Variants in LBH observed in about 807,000 individuals in gnomAD.
The protein encoded by LBH is protein LBH.
LBH carries 7 observed loss-of-function variants against 12.5 expected under a neutral mutation model. The observed-to-expected ratio is 0.56, with a 90% CI of 0.32 to 1.05. LBH has a LOEUF of 1.05. Ranked by LOEUF, LBH falls within the 50% of genes least tolerant of loss-of-function variation. LBH has a pLI of 0.04. For synonymous variants in LBH, 51 were observed against 50.1 expected (o/e 1.02, Z -0.08); for missense variants, 119 against 138.9 (o/e 0.86, Z 0.72).
chr2:30,241,285 T>C (rs1327378784), intron 2 of LBH, among the ~76,000 whole-genome samples: 1 of 152,070 alleles, frequency 6.6e-6, no homozygotes, highest in Non-Finnish European at 1.5e-5. Context: ...GGTTAATAAG[T>C]GGTTGTTTTA....
chr2:30,244,519 C>T (rs1206480911), intron 2 of LBH, among the ~76,000 whole-genome samples: 1 of 152,112 alleles, frequency 6.6e-6, no homozygotes, highest in Admixed American at 6.5e-5. Context: ...GCTTCACCTG[C>T]TTCCTTGTCC....
In LBH at chr2:30,231,592, G is replaced by A; in HGVS notation, c.-147G>A. The A allele has an allele frequency of 1.4e-6, 1 of 727,456 alleles. No homozygotes were observed. The highest frequency in any genetic ancestry group is 2.4e-6 in the Non-Finnish European group (1 of 413,526). 45.1% of individuals were successfully genotyped at this position (727,456 alleles called of 1,614,324 possible). On this transcript the variant is annotated 5_prime_UTR_variant, in exon 1 of 3. Transcript: ENST00000395323. ...CCACCTTGCCGACGTCGCTAGCCGT[G>A]GGGCTGTCCTGGGAAGGCGGACGGC...
rs1255547344 is a variant in LBH at position 30,259,012 on chromosome 2, C to T, written c.*1391C>T. ...AGGATTTCTTATTGTAGCTAAGAGCCATCTGAAGCAGCAGGTTGCAGGACA... is the reference window on the plus strand; with the variant it reads ...AGGATTTCTTATTGTAGCTAAGAGCTATCTGAAGCAGCAGGTTGCAGGACA... On this transcript the variant is annotated 3_prime_UTR_variant, in exon 3 of 3. Transcript: ENST00000395323. 6.6e-6 allele frequency: 1 copy of T among 152,574 alleles called. No homozygotes were observed. The highest frequency in any genetic ancestry group is 2.1e-4 in the South Asian group (1 of 4,830). The allele number at this position is 152,574 out of a possible 1,614,324, so 9.5% of individuals were successfully genotyped here. A position where few individuals can be genotyped will look rare whatever the true frequency, so the allele number is the denominator to read the frequency against.
intron 2 of LBH, among the ~76,000 whole-genome samples, chr2:30,236,240 G>A (rs1270724594): frequency 6.6e-6 from 1 of 152,174 alleles, no homozygotes; most frequent in Non-Finnish European, 1.5e-5. Context: ...TCAATGCTTC[G>A]AGTCCTTCAG....
At chr2:30,233,640 A>C (rs1677631961) in intron 1 of LBH, among the ~76,000 whole-genome samples, 1 of 152,270 alleles carries the variant, frequency 6.6e-6, no homozygotes, top group African/African-American at 2.4e-5. Flanking sequence ...TATCCTGCTT[A>C]GAGAGTACAA....
At position 30,250,384 on chromosome 2, in the gene LBH, C is replaced by A. The variant is rs370743569; in HGVS notation, c.130-7049C>A. Among the ~76,000 whole-genome samples, 5 of 152,068 alleles carry A rather than the reference C, an allele frequency of 3.3e-5. No homozygotes were observed. In the East Asian group the frequency reaches 7.8e-4, roughly 24 times the overall value. On this transcript the variant is annotated intron_variant, in intron 2 of 2. Transcript: ENST00000395323. ...GAGCTGGTCATTAGCCCTTTGTGTCCTGCTAACCACCTTTCATCTCCTCTA... is the reference window on the plus strand; with the variant it reads ...GAGCTGGTCATTAGCCCTTTGTGTCATGCTAACCACCTTTCATCTCCTCTA...
intron 2 of LBH, among the ~76,000 whole-genome samples, chr2:30,252,990 T>C (rs1309655601): frequency 6.6e-5 from 10 of 152,200 alleles, no homozygotes; most frequent in Admixed American, 6.5e-4. Flanking sequence ...AGGAGCACTT[T>C]GGGGAAAGAG....
chr2:30,244,792 G>C (rs1349108566), intron 2 of LBH, among the ~76,000 whole-genome samples: 1 of 152,116 alleles, frequency 6.6e-6, no homozygotes, highest in Non-Finnish European at 1.5e-5. Context: ...CGTAGTCCCA[G>C]CTACTTGAGG....
In LBH at chr2:30,231,735, CT is replaced by C; in HGVS notation, c.-2del. The stretch of plus-strand genomic sequence containing the variant: ...GGGCGTGTGTCAGCCTGCCCTAGGA[CT>C]TCATGTCTATATATTTCCCCATTCA... On this transcript the variant is annotated 5_prime_UTR_variant, in exon 1 of 3. Transcript: ENST00000395323. The C allele has an allele frequency of 6.3e-7, 1 of 1,582,672 alleles. No individual in the cohort carries two copies. The highest frequency in any genetic ancestry group is 8.6e-7 in the Non-Finnish European group (1 of 1,164,012).
chr2:30,253,468 T>C (rs1287565697), intron 2 of LBH, among the ~76,000 whole-genome samples: 1 of 152,190 alleles, frequency 6.6e-6, no homozygotes, highest in African/African-American at 2.4e-5. Flanking sequence ...TAGTAATTTT[T>C]AAAAATACAA....
intron 2 of LBH, among the ~76,000 whole-genome samples, chr2:30,240,091 G>A (rs1217015933): frequency 1.3e-5 from 2 of 152,332 alleles, no homozygotes; most frequent in South Asian, 2.1e-4. Context: ...TCATCTCTCT[G>A]CTGAGCCAGG....
chr2:30,240,622 C>CA (rs1677774552), intron 2 of LBH, among the ~76,000 whole-genome samples: 1 of 152,226 alleles, frequency 6.6e-6, no homozygotes, highest in Non-Finnish European at 1.5e-5. Flanking sequence ...CTGCTTCCTT[C>CA]CTGGGCTGAG....
At chr2:30,238,015 C>T (rs1677717476) in intron 2 of LBH, among the ~76,000 whole-genome samples, 3 of 152,200 alleles carry the variant, frequency 2.0e-5, no homozygotes, top group Non-Finnish European at 2.9e-5. Context: ...GGAATTTCTG[C>T]TGCCCAGTGC....
intron 1 of LBH, chr2:30,232,119 G>C (rs758186776): frequency 2.6e-4 from 400 of 1,544,124 alleles, no homozygotes; most frequent in Non-Finnish European, 3.3e-4. Context: ...GCGCAGGGGG[G>C]CTCCTGCTCT....
chr2:30,259,923 T>C lies in LBH; in HGVS notation c.*2302T>C, dbSNP rs1678166640. On this transcript the variant is annotated 3_prime_UTR_variant, in exon 3 of 3. Coordinates refer to ENST00000395323, the MANE Select transcript of LBH (RefSeq NM_030915.4). ...GTTGTGAGATGAACCTCCTGTAACT[T>C]CTATCTGTTCTTTTTTGAGGCTCAG... is the stretch of plus-strand genomic sequence containing the variant. 1.3e-5 allele frequency: 2 copies of C among 152,690 alleles called. No individual in the cohort carries two copies. The highest frequency in any genetic ancestry group is 4.1e-4 in the South Asian group (2 of 4,832). 9.5% of individuals were successfully genotyped at this position (152,690 alleles called of 1,614,324 possible).
chr2:30,238,885 CTTTT>C lies in LBH; in HGVS notation c.129+4397_129+4400del, dbSNP rs367954684. 3.9e-3 allele frequency among the ~76,000 whole-genome samples: 381 copies of C among 98,048 alleles called. 6 individuals are homozygous for C. The East Asian group carries it at 0.078, about 20-fold the overall frequency. 64.3% of individuals were successfully genotyped at this position (98,048 alleles called of 152,430 possible). ...CTTCTTTCTCTCACTCCTCCCCACT[CTTTT>C]TTTTTTTTTTTTTTTTTTGAGATGA... On this transcript the variant is annotated intron_variant, in intron 2 of 2. Transcript: ENST00000395323.
At chr2:30,247,190 C>T (rs1197679070) in intron 2 of LBH, among the ~76,000 whole-genome samples, 2 of 152,146 alleles carry the variant, frequency 1.3e-5, no homozygotes, top group Non-Finnish European at 1.5e-5. Context: ...CCTTTTTGTA[C>T]ACTAAAATTC....
chr2:30,257,803 T>G lies in LBH; in HGVS notation c.*182T>G, dbSNP rs1678113238. The G allele has an allele frequency of 7.9e-6, 4 of 506,576 alleles. No homozygotes were observed. The highest frequency in any genetic ancestry group is 1.0e-5 in the Non-Finnish European group (3 of 294,080). 31.4% of individuals were successfully genotyped at this position (506,576 alleles called of 1,614,324 possible). A position where few individuals can be genotyped will look rare whatever the true frequency, so the allele number is the denominator to read the frequency against. On this transcript the variant is annotated 3_prime_UTR_variant, in exon 3 of 3. Coordinates refer to ENST00000395323, the MANE Select transcript of LBH (RefSeq NM_030915.4). ...TTCTTTTCTTGCCTTTTTTTTTTTTTGAAATTTGCCGAGCAGTGGAGCCCT... is the reference window on the plus strand; with the variant it reads ...TTCTTTTCTTGCCTTTTTTTTTTTTGGAAATTTGCCGAGCAGTGGAGCCCT...
Position 30,231,642 on chromosome 2 carries a change from C to A in LBH, c.-97C>A. On this transcript the variant is annotated 5_prime_UTR_variant, in exon 1 of 3. Transcript: ENST00000395323. ...CGAGCGCCCGGTGTCCGCACTCGGC[C>A]GCCTGCCGTGCCCGTCTGCGCCCGT... 7.8e-7 allele frequency: 1 copy of A among 1,284,842 alleles called. No individual in the cohort carries two copies. Among genetic ancestry groups the A allele is most frequent in the Non-Finnish European group, 1.1e-6 (1 of 895,580 alleles). The allele number at this position is 1,284,842 out of a possible 1,614,324, so 79.6% of individuals were successfully genotyped here. A position where few individuals can be genotyped will look rare whatever the true frequency, so the allele number is the denominator to read the frequency against.
Sources: allele counts gnomAD v4.1 joint callset (sites outside exome capture counted in the v4.1 genomes callset), GRCh38; gene constraint gnomAD v4.1.1; transcripts MANE v1.5; gene names NCBI Gene and HGNC (gene_info 2026-07-23, HGNC 2026-07-21).